LARP1B: variants seen among roughly 807,000 people sequenced by gnomAD.
LARP1B encodes la-related protein 1B.
Under a neutral mutation model 114.2 loss-of-function variants are expected in LARP1B, and 76 were observed. The ratio of observed to expected loss-of-function variants is 0.67; its 90% CI spans 0.55 to 0.81. The LOEUF is 0.81. LARP1B is among the 30% of genes least tolerant of loss of function. LARP1B has a pLI of 0.00. For missense variants in LARP1B, 1,014 were observed against 1,075.8 expected (o/e 0.94, Z 0.80); for synonymous variants, 345 against 348.0 (o/e 0.99, Z 0.10).
intron 15 of LARP1B, among the ~76,000 whole-genome samples, chr4:128,190,176 G>A (rs1034732739): frequency 6.6e-6 from 1 of 152,126 alleles, no homozygotes; most frequent in Non-Finnish European, 1.5e-5. Context: ...CTGTTTGAAG[G>A]AAAACTTTGC....
intron 10 of LARP1B, among the ~76,000 whole-genome samples, chr4:128,116,921 GTT>G (rs5861843): frequency 7.3e-6 from 1 of 136,892 alleles, no homozygotes; most frequent in Non-Finnish European, 1.5e-5. Flanking sequence ...TTCCTCTTGA[GTT>G]TTTTTTTTTT....
At chr4:128,125,449 T>C (rs573385164) in intron 11 of LARP1B, among the ~76,000 whole-genome samples, 2 of 152,366 alleles carry the variant, frequency 1.3e-5, no homozygotes, top group Non-Finnish European at 2.9e-5. Flanking sequence ...CAAGGGACTC[T>C]GTAAAGAATA....
Position 128,065,261 on chromosome 4 carries a change from C to CAA in LARP1B, c.-78+3860_-78+3861insAA, listed in dbSNP as rs1561010068. On this transcript the variant is annotated intron_variant, in intron 1 of 19. Coordinates refer to ENST00000326639, the MANE Select transcript of LARP1B (RefSeq NM_018078.4). ...CTGTTCTCCCACAATTAATTTCTTTCTTTCTTTCTTTCTTTCTTTCTTTCT... is the reference window on the plus strand; with the variant it reads ...CTGTTCTCCCACAATTAATTTCTTTCAATTTCTTTCTTTCTTTCTTTCTTTCT... Among the ~76,000 whole-genome samples the CAA allele has an allele frequency of 3.0e-3, 254 of 83,848 alleles. 5 individuals carry two copies. The highest frequency in any genetic ancestry group is 6.2e-3 in the African/African-American group (159 of 25,638). The allele number at this position is 83,848 out of a possible 152,430, so 55.0% of individuals were successfully genotyped here. A position where few individuals can be genotyped will look rare whatever the true frequency, so the allele number is the denominator to read the frequency against.
At chr4:128,197,006 A>G (rs911823194) in intron 15 of LARP1B, among the ~76,000 whole-genome samples, 4 of 152,206 alleles carry the variant, frequency 2.6e-5, no homozygotes, top group Non-Finnish European at 1.5e-5. Context: ...AAATTTATAG[A>G]CAGAAAGTAG....
At chr4:128,097,534 C>CGT (rs1409806066) in intron 7 of LARP1B, among the ~76,000 whole-genome samples, 1 of 150,438 alleles carries the variant, frequency 6.6e-6, no homozygotes, top group Non-Finnish European at 1.5e-5. Flanking sequence ...CTTGAACTGC[C>CGT]GACCTCAGGG....
intron 1 of LARP1B, among the ~76,000 whole-genome samples, chr4:128,065,375 CT>C (rs1553983067): frequency 1.8e-5 from 2 of 111,576 alleles, no homozygotes; most frequent in Non-Finnish European, 3.8e-5. Flanking sequence ...CTTTTCTTTT[CT>C]TTTCTTTCTT....
At chr4:128,217,020 C>T (rs936310286) in intron 6 of LARP1B, among the ~76,000 whole-genome samples, 16 of 151,106 alleles carry the variant, frequency 1.1e-4, no homozygotes, top group East Asian at 1.9e-4. Flanking sequence ...AACAACTCTA[C>T]GCAAATAAAC....
chr4:128,210,610 T>C lies in LARP1B; in HGVS notation c.*557T>C. On this transcript the variant is annotated 3_prime_UTR_variant, in exon 20 of 20. Transcript: ENST00000326639. ...ACCTTTAGTATCCCTTTGAGACATA[T>C]AGTTTAAAGAAAACTTTTTTTAAAA... 2.2e-6 allele frequency: 2 copies of C among 925,540 alleles called. No individual in the cohort carries two copies. The highest frequency in any genetic ancestry group is 5.0e-5 in the South Asian group (1 of 20,100). The allele number at this position is 925,540 out of a possible 1,614,324, so 57.3% of individuals were successfully genotyped here.
intron 7 of LARP1B, among the ~76,000 whole-genome samples, chr4:128,095,445 T>C (rs1485096403): frequency 7.6e-6 from 1 of 132,022 alleles, no homozygotes; most frequent in Non-Finnish European, 1.5e-5. Context: ...GCCGAGATCA[T>C]GCCATCCCAC....
Position 128,211,274 on chromosome 4 carries a change from A to G in LARP1B, c.*1221A>G, listed in dbSNP as rs973222187. 1.0e-6 allele frequency: 1 copy of G among 957,274 alleles called. No homozygotes were observed. Among genetic ancestry groups the G allele is most frequent in the Non-Finnish European group, 1.2e-6 (1 of 804,366 alleles). 59.3% of individuals were successfully genotyped at this position (957,274 alleles called of 1,614,324 possible). On this transcript the variant is annotated 3_prime_UTR_variant, in exon 20 of 20. Coordinates refer to ENST00000326639, the MANE Select transcript of LARP1B (RefSeq NM_018078.4). ...TTACATTCACTTTATTGAGCACTAC[A>G]TAATTTACAGATATTTTGTTGTATT...
intron 5 of LARP1B, among the ~76,000 whole-genome samples, chr4:128,082,809 T>C (rs1259944275): frequency 4.0e-5 from 6 of 151,482 alleles, no homozygotes; most frequent in Non-Finnish European, 7.4e-5. Flanking sequence ...TTCTTCTTTT[T>C]TTTTTTTTTT....
At chr4:128,093,005 T>G in intron 7 of LARP1B, 1 of 985,428 alleles carries the variant, frequency 1.0e-6, no homozygotes, top group Non-Finnish European at 1.2e-6. Context: ...TTTCTGATCA[T>G]GCAGTGTAGA....
intron 3 of LARP1B, among the ~76,000 whole-genome samples, chr4:128,077,348 A>G (rs934005448): frequency 7.3e-5 from 11 of 151,608 alleles, no homozygotes; most frequent in African/African-American, 1.9e-4. Context: ...AAAAAAAAAA[A>G]GAGTTAGCCA....
intron 1 of LARP1B, among the ~76,000 whole-genome samples, chr4:128,065,350 CT>C (rs1762379859): frequency 7.0e-5 from 8 of 114,800 alleles, no homozygotes; most frequent in Non-Finnish European, 1.3e-4. Flanking sequence ...CTTTTCTTTT[CT>C]TTTCTTTTCT....
At chr4:128,077,706 G>A in intron 3 of LARP1B, 82 bp from the exon 4 acceptor site, 5 of 1,361,782 alleles carry the variant, frequency 3.7e-6, no homozygotes, top group Non-Finnish European at 3.9e-6. Context: ...GCAATTTTAG[G>A]TTAGGTATAT....
intron 17 of LARP1B, among the ~76,000 whole-genome samples, chr4:128,201,633 T>TTCG (rs927030507): frequency 1.3e-5 from 2 of 152,238 alleles, no homozygotes; most frequent in African/African-American, 4.8e-5. Flanking sequence ...TCTACTTCTC[T>TTCG]TCGTCCTCCC....
intron 11 of LARP1B, among the ~76,000 whole-genome samples, chr4:128,143,960 T>C (rs1729244132): frequency 6.6e-6 from 1 of 152,108 alleles, no homozygotes; most frequent in Admixed American, 6.6e-5. Flanking sequence ...CGAGACTAGA[T>C]AGGATTTGGA....
At chr4:128,128,160 A>G (rs1790268475) in intron 11 of LARP1B, among the ~76,000 whole-genome samples, 1 of 152,222 alleles carries the variant, frequency 6.6e-6, no homozygotes, top group Non-Finnish European at 1.5e-5. Context: ...TTTAAGAGGA[A>G]AAAGTATAAA....
At chr4:128,155,837 A>G (rs1390008624) in intron 11 of LARP1B, 1 of 1,572,168 alleles carries the variant, frequency 6.4e-7, no homozygotes, top group African/African-American at 1.3e-5. Context: ...CTGCAGCGAG[A>G]GATCGAGGAG....
Sources: gnomAD v4.1 joint callset for allele counts (sites outside exome capture counted in the v4.1 genomes callset) on GRCh38, gnomAD v4.1.1 for gene constraint, MANE v1.5 for transcripts, NCBI Gene and HGNC (gene_info 2026-07-23, HGNC 2026-07-21) for gene names.